The following KLHL32 variants were observed in gnomAD, a reference collection of about 807,000 sequenced individuals.
KLHL32 encodes kelch like family member 32.
In KLHL32, 35 loss-of-function variants were observed where a neutral mutation model predicts 64.8. The observed-to-expected ratio is 0.54, with a 90% confidence interval of 0.41 to 0.72. The LOEUF (loss-of-function observed/expected upper bound fraction) is 0.72, where lower values mean the gene tolerates loss of function less well. KLHL32 is among the 30% of genes least tolerant of loss of function. KLHL32 has a pLI of 0.00. For synonymous variants in KLHL32, 259 were observed against 281.0 expected, an observed-to-expected ratio of 0.92 and a Z score of 0.78; for missense variants, 589 against 768.5, an observed-to-expected ratio of 0.77 and a Z score of 2.76.
chr6:96,927,656 C>T (rs1769330171), intron 1 of KLHL32, among the ~76,000 whole-genome samples: 1 of 152,208 alleles, frequency 6.6e-6, no homozygotes, highest in Admixed American at 6.5e-5. Flanking sequence ...ACAGCGACTT[C>T]TCATGGTTCT....
chr6:97,116,034 G>A (rs182242855), intron 7 of KLHL32, among the ~76,000 whole-genome samples: 1 of 152,110 alleles, frequency 6.6e-6, no homozygotes, highest in East Asian at 1.9e-4. Context: ...ATAGTCACAG[G>A]CTCAGCTTCT....
At chr6:97,126,258 T>C (rs906193842) in intron 7 of KLHL32, among the ~76,000 whole-genome samples, 7 of 152,114 alleles carry the variant, frequency 4.6e-5, no homozygotes, top group Admixed American at 3.3e-4. Context: ...TTTCTAAAGA[T>C]AGATTTCTTT....
intron 3 of KLHL32, chr6:96,994,483 T>C: frequency 1.0e-6 from 1 of 985,090 alleles, no homozygotes; most frequent in Non-Finnish European, 1.2e-6. Flanking sequence ...TAGATTTTTG[T>C]GCTCTGTACT....
At chr6:96,987,795 G>A (rs1777299208) in intron 3 of KLHL32, among the ~76,000 whole-genome samples, 1 of 152,118 alleles carries the variant, frequency 6.6e-6, no homozygotes, top group African/African-American at 2.4e-5. Flanking sequence ...CAGAAATAAT[G>A]CGGCATATCT....
Position 96,990,097 on chromosome 6 carries a change from C to T in KLHL32, c.204+13920C>T, listed in dbSNP as rs148322057. Among the ~76,000 whole-genome samples the T allele has an allele frequency of 3.5e-4, 53 of 152,254 alleles. No homozygotes were observed. In the East Asian group the frequency reaches 9.9e-3, roughly 28 times the overall value. ...CTGAATTCTCTGTCTGTCATTTCAGCCATTTCAGCCTGGTTAAGAACACTT... is the reference window on the plus strand; with the variant it reads ...CTGAATTCTCTGTCTGTCATTTCAGTCATTTCAGCCTGGTTAAGAACACTT... On this transcript the variant is annotated intron_variant, in intron 3 of 10. Transcript: ENST00000369261.
At chr6:97,001,438 A>G (rs777955146) in intron 3 of KLHL32, among the ~76,000 whole-genome samples, 4 of 152,100 alleles carry the variant, frequency 2.6e-5, no homozygotes, top group Admixed American at 6.6e-5. Context: ...TGGCCTTCCA[A>G]TGAAGGTTTT....
intron 4 of KLHL32, among the ~76,000 whole-genome samples, chr6:97,055,525 T>G (rs995431081): frequency 2.0e-5 from 3 of 152,102 alleles, no homozygotes; most frequent in South Asian, 2.1e-4. Context: ...TTGCCAGGTG[T>G]GGTGGCTCAT....
intron 2 of KLHL32, among the ~76,000 whole-genome samples, chr6:96,969,502 C>T (rs1347295870): frequency 6.6e-6 from 1 of 152,142 alleles, no homozygotes; most frequent in Non-Finnish European, 1.5e-5. Context: ...TGAGAAAACC[C>T]CAATCCAGAT....
chr6:97,121,263 G>T (rs1798335440), intron 7 of KLHL32, among the ~76,000 whole-genome samples: 2 of 152,098 alleles, frequency 1.3e-5, no homozygotes, highest in Non-Finnish European at 2.9e-5. Flanking sequence ...AACCACACAG[G>T]TTACCAGTTG....
At chr6:97,042,265 T>C (rs1013705121) in intron 4 of KLHL32, among the ~76,000 whole-genome samples, 4 of 152,198 alleles carry the variant, frequency 2.6e-5, no homozygotes, top group African/African-American at 9.6e-5. Context: ...AATGAAAGTG[T>C]CTTCTCTTGA....
At chr6:97,003,300 T>C (rs978156721) in intron 3 of KLHL32, among the ~76,000 whole-genome samples, 1 of 152,216 alleles carries the variant, frequency 6.6e-6, no homozygotes, top group Admixed American at 6.5e-5. Context: ...TGTCTTCTTT[T>C]AGAAAGTGTC....
rs1292477962 is a variant in KLHL32 at position 97,114,232 on chromosome 6, T to C, written c.1077T>C (p.Ser359=). ...FVAGGEVEHA[S]GRTCAVRTAC... ...CAGGAGGGGAAGTTGAGCATGCCAG[T>C]GGCCGGACGTGTGCTGTGAGGACTG... is the stretch of plus-strand genomic sequence containing the variant. Residue 359 remains serine, a synonymous_variant, in exon 7 of 11, where the codon AGT becomes AGC. Transcript: ENST00000369261. 4 of 1,614,074 alleles carry C rather than the reference T, an allele frequency of 2.5e-6. No homozygotes were observed. The highest frequency in any genetic ancestry group is 2.5e-6 in the Non-Finnish European group (3 of 1,180,008).
At chr6:96,965,780 AG>A in intron 1 of KLHL32, among the ~76,000 whole-genome samples, 1 of 152,336 alleles carries the variant, frequency 6.6e-6, no homozygotes, top group African/African-American at 2.4e-5. Context: ...GTCATAATGG[AG>A]CAATTAAAAA....
intron 5 of KLHL32, among the ~76,000 whole-genome samples, chr6:97,071,797 C>T (rs545219807): frequency 3.0e-4 from 46 of 152,224 alleles, no homozygotes; most frequent in Non-Finnish European, 4.7e-4. Flanking sequence ...TTGTCATTGA[C>T]GTCATTCGGG....
the KLHL32 span, among the ~76,000 whole-genome samples, chr6:96,916,174 T>G: frequency 6.6e-6 from 1 of 152,132 alleles, no homozygotes; most frequent in Non-Finnish European, 1.5e-5. Flanking sequence ...GCTGGATTGG[T>G]TACAGGTTGG....
chr6:97,079,755 A>G (rs1283057151), intron 5 of KLHL32, among the ~76,000 whole-genome samples: 1 of 152,214 alleles, frequency 6.6e-6, no homozygotes, highest in East Asian at 1.9e-4. Flanking sequence ...AAAGGAAAAT[A>G]AATACTATTT....
At chr6:97,058,900 A>G (rs1170875611) in intron 4 of KLHL32, among the ~76,000 whole-genome samples, 2 of 152,252 alleles carry the variant, frequency 1.3e-5, no homozygotes, top group African/African-American at 4.8e-5. Context: ...CTGCTTTGTT[A>G]CATATAGACA....
chr6:97,039,907 AAAGAT>A (rs1326291333), intron 3 of KLHL32, among the ~76,000 whole-genome samples: 6 of 152,188 alleles, frequency 3.9e-5, no homozygotes, highest in Admixed American at 6.5e-5. Context: ...AGCATAAAGA[AAAGAT>A]ATTTTAAGGT....
intron 6 of KLHL32, among the ~76,000 whole-genome samples, chr6:97,098,997 T>C (rs1460899030): frequency 1.3e-5 from 2 of 152,246 alleles, no homozygotes; most frequent in African/African-American, 4.8e-5. Context: ...TTTTATCTTA[T>C]AGGTTCGCTA....
Sources: allele counts gnomAD v4.1 joint callset (sites outside exome capture counted in the v4.1 genomes callset), GRCh38; gene constraint gnomAD v4.1.1; transcripts MANE v1.5; gene names NCBI Gene and HGNC (gene_info 2026-07-23, HGNC 2026-07-21).